Variants in COIL observed in about 807,000 individuals in gnomAD.
COIL encodes coilin.
A neutral mutation model predicts 51.6 loss-of-function variants in COIL; 28 were observed. The ratio of observed to expected loss-of-function variants is 0.54; its 90% CI spans 0.40 to 0.74. The LOEUF (loss-of-function observed/expected upper bound fraction) is 0.74, where lower values mean the gene tolerates loss of function less well. COIL is among the 30% of genes least tolerant of loss of function. COIL has a pLI of 0.00. For missense variants in COIL, 667 were observed against 685.9 expected, an observed-to-expected ratio of 0.97 and a Z score of 0.31; for synonymous variants, 233 against 255.8, an observed-to-expected ratio of 0.91 and a Z score of 0.85.
chr17:56,953,906 T>C (rs1186729250), intron 1 of COIL, among the ~76,000 whole-genome samples: 1 of 152,220 alleles, frequency 6.6e-6, no homozygotes, highest in African/African-American at 2.4e-5. Context: ...TGTTCCCAGC[T>C]TGGCATCTAA....
chr17:56,952,329 C>A, intron 1 of COIL: 1 of 453,752 alleles, frequency 2.2e-6, no homozygotes. Context: ...TACTGACAAC[C>A]TCGGCTGGCA....
chr17:56,938,992 TTAA>T lies in COIL; in HGVS notation c.*76_*78del. The T allele has an allele frequency of 2.6e-6, 2 of 775,206 alleles. No homozygotes were observed. The highest frequency in any genetic ancestry group is 2.6e-5 in the Admixed American group (1 of 38,776). 48.0% of individuals were successfully genotyped at this position (775,206 alleles called of 1,614,324 possible). On this transcript the variant is annotated 3_prime_UTR_variant, in exon 7 of 7. Coordinates refer to ENST00000240316, the MANE Select transcript of COIL (RefSeq NM_004645.3). ...AATCCATACAACTTCCAAATCCTCT[TTAA>T]AAAAAAAAAAAAGTTTGGGTTATAG... is the stretch of plus-strand genomic sequence containing the variant.
At position 56,949,189 on chromosome 17, in the gene COIL, G is replaced by T. The variant is rs111804720; in HGVS notation, c.1488+198C>A. ...CATTCTCCTACTCTATTCTTCCCAA[G>T]TATAAGGCAAATAACACAGGGAGAC... On this transcript the variant is annotated intron_variant, in intron 4 of 6. Transcript: ENST00000240316. Among the ~76,000 whole-genome samples the T allele has an allele frequency of 1.1e-3, 168 of 152,196 alleles. 1 individual carries two copies. The highest frequency in any genetic ancestry group is 4.0e-3 in the African/African-American group (166 of 41,516).
intron 1 of COIL, among the ~76,000 whole-genome samples, chr17:56,955,003 C>T (rs1371437857): frequency 6.6e-6 from 1 of 152,142 alleles, no homozygotes; most frequent in African/African-American, 2.4e-5. Flanking sequence ...TTTGTCCTTT[C>T]ACAAGTAGAA....
chr17:56,957,230 G>T (rs1910500285), intron 1 of COIL, among the ~76,000 whole-genome samples: 1 of 151,956 alleles, frequency 6.6e-6, no homozygotes, highest in Non-Finnish European at 1.5e-5. Flanking sequence ...CTGGGCAATG[G>T]AGTGAGACCC....
chr17:56,947,474 T>G (rs1037620119), intron 4 of COIL, among the ~76,000 whole-genome samples: 3 of 152,094 alleles, frequency 2.0e-5, no homozygotes, highest in Admixed American at 2.0e-4. Context: ...TAATACCAAT[T>G]TAATATGCAA....
At chr17:56,947,126 G>A (rs1567851928) in intron 4 of COIL, among the ~76,000 whole-genome samples, 2 of 152,106 alleles carry the variant, frequency 1.3e-5, no homozygotes, top group African/African-American at 4.8e-5. Flanking sequence ...GGTAGCCTCC[G>A]GGGGTATATA....
chr17:56,945,015 A>C (rs910768595), intron 5 of COIL, among the ~76,000 whole-genome samples: 5 of 150,098 alleles, frequency 3.3e-5, no homozygotes, highest in African/African-American at 1.3e-4. Context: ...ACTCCGTCTC[A>C]AAAATAAACA....
chr17:56,960,240 G>C (rs1218750432), intron 1 of COIL, among the ~76,000 whole-genome samples: 1 of 144,998 alleles, frequency 6.9e-6, no homozygotes, highest in Non-Finnish European at 1.5e-5. Flanking sequence ...AAAAATAATA[G>C]GGGCAGGATG....
chr17:56,950,241 G>C lies in COIL; in HGVS notation c.1001C>G (p.Pro334Arg), dbSNP rs184720830. 1.2e-6 allele frequency: 2 copies of C among 1,614,052 alleles called. No individual in the cohort carries two copies. The highest frequency in any genetic ancestry group is 1.3e-5 in the African/African-American group (1 of 74,910). Residue 334 changes from proline to arginine, a missense_variant, in exon 2 of 7, where the codon CCG becomes CGG. Coordinates refer to ENST00000240316, the MANE Select transcript of COIL (RefSeq NM_004645.3). ...CTTTAAGAAACCCGCAGCACACTCC[G>C]GGGTGCTCGATGACATCAAGCATTG... ...DDQCLMSSST[P>R]ECAAGFLKTV... is the part of the protein sequence containing the mutation.
chr17:56,950,334 G>C lies in COIL; in HGVS notation c.908C>G (p.Thr303Ser). Residue 303 changes from threonine (T) to serine (S), a missense_variant, in exon 2 of 7, where the codon ACC (threonine) becomes AGC (serine). Thr to Ser is a moderately conservative substitution (Grantham distance 58). Coordinates refer to ENST00000240316, the MANE Select transcript of COIL (RefSeq NM_004645.3). ...KLAIKLGFSL[T>S]PSKGKTSGTT... The stretch of plus-strand genomic sequence containing the variant: ...TCCAGAGGTCTTGCCCTTGCTGGGG[G>C]TAAGGCTAAAGCCAAGTTTTATAGC... 3 of 1,614,222 alleles carry C rather than the reference G, an allele frequency of 1.9e-6. No individual in the cohort carries two copies. Among genetic ancestry groups the C allele is most frequent in the Non-Finnish European group, 2.5e-6 (3 of 1,180,046 alleles).
At chr17:56,949,485 C>T (rs1453532130) in intron 3 of COIL, 51 bp from the exon 4 acceptor site, 1 of 1,562,580 alleles carries the variant, frequency 6.4e-7, no homozygotes, top group African/African-American at 1.4e-5. Flanking sequence ...TATCCTCTCC[C>T]ATTCCCACAG....
chr17:56,949,479 C>T (rs770424777), intron 3 of COIL, 45 bp from the exon 4 acceptor site: 1 of 1,574,974 alleles, frequency 6.3e-7, no homozygotes. Context: ...CCCTCTTATC[C>T]TCTCCCATTC....
At position 56,961,009 on chromosome 17, in the gene COIL, G is replaced by T; in HGVS notation, c.11C>A (p.Ser4Tyr). ...TTGAAGCCGTAGCCTAACCGTCTCG[G>T]AAGCTGCCATCTTGCTTGGTGCTCA... MAA[S>Y]ETVRLRLQFD... The change falls in exon 1 of 7, where the codon TCC becomes TAC. Residue 4 changes from serine (S) to tyrosine (Y), a missense_variant. Coordinates refer to ENST00000240316, the MANE Select transcript of COIL (RefSeq NM_004645.3). The T allele has an allele frequency of 6.2e-7, 1 of 1,613,718 alleles. No homozygotes were observed. Among genetic ancestry groups the T allele is most frequent in the Non-Finnish European group, 8.5e-7 (1 of 1,179,860 alleles).
intron 6 of COIL, 71 bp downstream of exon 6, chr17:56,941,964 C>T: frequency 7.8e-7 from 1 of 1,278,678 alleles, no homozygotes. Context: ...GCAATGTCAC[C>T]TTCCAAACCA....
rs1417231877 is a variant in COIL, at chr17:56,949,692, T to C, written c.1429A>G (p.Ile477Val). The C allele has an allele frequency of 1.9e-6, 3 of 1,613,690 alleles. No individual in the cohort carries two copies. In the Admixed American group the frequency reaches 5.0e-5, roughly 27 times the overall value. ...CTTTTGAAATATACCTTAAATGCAA[T>C]CTTTTCTCCAACTTGAGGGGCAGCT... ...LAAAPQVGEK[I>V]AFKLLELTSS... The change falls in exon 3 of 7, where the codon ATT (isoleucine) becomes GTT (valine). Residue 477 changes from isoleucine to valine, a missense_variant. Coordinates refer to ENST00000240316, the MANE Select transcript of COIL (RefSeq NM_004645.3).
At chr17:56,944,713 C>T (rs999169932) in intron 5 of COIL, among the ~76,000 whole-genome samples, 4 of 151,920 alleles carry the variant, frequency 2.6e-5, no homozygotes, top group Non-Finnish European at 5.9e-5. Context: ...TTTATTCAAT[C>T]CCTTATCTAA....
At chr17:56,946,113 T>C (rs969133964) in intron 5 of COIL, among the ~76,000 whole-genome samples, 2 of 152,226 alleles carry the variant, frequency 1.3e-5, no homozygotes, top group Non-Finnish European at 2.9e-5. Flanking sequence ...CAATCTTTTA[T>C]AGCTGACCCA....
chr17:56,945,345 A>G (rs979932911), intron 5 of COIL, among the ~76,000 whole-genome samples: 1 of 152,074 alleles, frequency 6.6e-6, no homozygotes, highest in African/African-American at 2.4e-5. Flanking sequence ...CAAAAAAAAA[A>G]GGAAAACAAT....
Sources: allele counts gnomAD v4.1 joint callset (sites outside exome capture counted in the v4.1 genomes callset), GRCh38; gene constraint gnomAD v4.1.1; transcripts MANE v1.5; gene names NCBI Gene and HGNC (gene_info 2026-07-23, HGNC 2026-07-21).